Variants in TYW1B observed in about 807,000 individuals in gnomAD.
TYW1B encodes the protein tRNA-yW synthesizing protein 1 homolog B.
TYW1B carries 73 observed loss-of-function variants against 86.9 expected under a neutral mutation model. That is an observed-to-expected ratio of 0.84 (90% CI 0.70 to 1.02). The LOEUF (loss-of-function observed/expected upper bound fraction) is 1.02. Among genes scored for constraint, TYW1B ranks in the 50% least tolerant of loss-of-function variants. TYW1B has a pLI of 0.00. For synonymous variants in TYW1B, 248 were observed against 292.8 expected (o/e 0.85, Z 1.56); for missense variants, 637 against 827.4 (o/e 0.77, Z 2.82).
intron 2 of TYW1B, among the ~76,000 whole-genome samples, chr7:72,820,188 T>C (rs1427599410): frequency 1.3e-5 from 2 of 151,998 alleles, no homozygotes; most frequent in Non-Finnish European, 2.9e-5. Flanking sequence ...GGCAAGAGAA[T>C]CACTTGAACC....
chr7:72,652,377 G>GA (rs1169791430), intron 11 of TYW1B, among the ~76,000 whole-genome samples: 12,295 of 31,096 alleles, frequency 0.4, 3,761 homozygotes, highest in Middle Eastern at 0.63. Flanking sequence ...GACTCTGTCT[G>GA]AAAAAAAAAA....
At chr7:72,742,070 A>G (rs1787313559) in intron 8 of TYW1B, among the ~76,000 whole-genome samples, 1 of 152,234 alleles carries the variant, frequency 6.6e-6, no homozygotes, top group Admixed American at 6.5e-5. Context: ...GGTAAAATAC[A>G]TAGGTAAATA....
intron 10 of TYW1B, among the ~76,000 whole-genome samples, chr7:72,708,845 T>A (rs1814674811): frequency 6.6e-6 from 1 of 152,210 alleles, no homozygotes; most frequent in Admixed American, 6.6e-5. Flanking sequence ...GACTATCTTG[T>A]TGCACTACTC....
chr7:72,825,169 A>G (rs1422586421), intron 2 of TYW1B, among the ~76,000 whole-genome samples: 1 of 151,970 alleles, frequency 6.6e-6, no homozygotes, highest in Admixed American at 6.6e-5. Flanking sequence ...AAATCCTCAC[A>G]GTGACCCTGA....
intron 11 of TYW1B, among the ~76,000 whole-genome samples, chr7:72,665,019 C>T (rs77532557): frequency 6.6e-6 from 1 of 151,866 alleles, no homozygotes; most frequent in African/African-American, 2.4e-5. Flanking sequence ...TTATTTTTTT[C>T]TGAATATTTT....
intron 12 of TYW1B, among the ~76,000 whole-genome samples, chr7:72,619,572 C>T (rs1165248768): frequency 1.4e-5 from 2 of 145,082 alleles, no homozygotes; most frequent in African/African-American, 2.6e-5. Context: ...ACCCGGGAAG[C>T]GGAGCTTGCA....
At chr7:72,624,749 T>C (rs1319502170) in intron 12 of TYW1B, among the ~76,000 whole-genome samples, 2 of 152,232 alleles carry the variant, frequency 1.3e-5, no homozygotes, top group Non-Finnish European at 2.9e-5. Flanking sequence ...TATTACATTA[T>C]ATTTTATCAT....
chr7:72,745,854 GTGTGTGT>G (rs1787385454), intron 7 of TYW1B, among the ~76,000 whole-genome samples: 1 of 7,918 alleles, frequency 1.3e-4, no homozygotes, highest in African/African-American at 2.6e-4. Context: ...GTATAGGGGT[GTGTGTGT>G]GTGTGTGTGT....
At chr7:72,754,630 G>A (rs1787556715) in intron 7 of TYW1B, among the ~76,000 whole-genome samples, 1 of 151,806 alleles carries the variant, frequency 6.6e-6, no homozygotes, top group Non-Finnish European at 1.5e-5. Flanking sequence ...AAGAGATGGG[G>A]TTTCATCATG....
intron 7 of TYW1B, among the ~76,000 whole-genome samples, chr7:72,769,920 T>G (rs1470468684): frequency 6.6e-6 from 1 of 151,614 alleles, no homozygotes; most frequent in African/African-American, 2.4e-5. Flanking sequence ...AAAAATACAC[T>G]AATTCAAAAC....
chr7:72,730,570 A>G (rs188298111), intron 8 of TYW1B, among the ~76,000 whole-genome samples: 27 of 150,422 alleles, frequency 1.8e-4, no homozygotes, highest in African/African-American at 5.4e-4. Context: ...AAAAGGAGAA[A>G]AGAAAAAGAA....
chr7:72,581,928 C>T (rs1171842156), intron 13 of TYW1B, among the ~76,000 whole-genome samples: 27 of 151,696 alleles, frequency 1.8e-4, no homozygotes, highest in East Asian at 1.9e-4. Flanking sequence ...CCACCACGCC[C>T]GGCTAATTTT....
chr7:72,574,519 C>T lies in TYW1B; in HGVS notation c.*979G>A, dbSNP rs1810973963. 1.0e-6 allele frequency: 1 copy of T among 959,744 alleles called. No individual in the cohort carries two copies. Among genetic ancestry groups the T allele is most frequent in the African/African-American group, 1.8e-5 (1 of 56,628 alleles). The allele number at this position is 959,744 out of a possible 1,614,324, so 59.5% of individuals were successfully genotyped here. The stretch of plus-strand genomic sequence containing the variant: ...AAAAAACTCATGCTGCAAGTCTTTA[C>T]AAAATATTATTTTATTAATTCAATT... On this transcript the variant is annotated 3_prime_UTR_variant, in exon 14 of 14. Coordinates refer to ENST00000620995, the MANE Select transcript of TYW1B (RefSeq NM_001145440.3).
intron 7 of TYW1B, among the ~76,000 whole-genome samples, chr7:72,757,743 A>C (rs782087384): frequency 3.5e-4 from 53 of 152,220 alleles, no homozygotes; most frequent in Admixed American, 2.5e-3. Flanking sequence ...CCTGATAACA[A>C]AAAAAGATTC....
intron 8 of TYW1B, 51 bp from the exon 9 acceptor site, chr7:72,728,982 G>C (rs1313357063): frequency 5.2e-6 from 8 of 1,534,528 alleles, no homozygotes; most frequent in Middle Eastern, 1.7e-4. Context: ...TAAGATCTGG[G>C]CTAGTCATTT....
intron 13 of TYW1B, among the ~76,000 whole-genome samples, chr7:72,613,006 C>A (rs2129568322): frequency 6.6e-6 from 1 of 152,172 alleles, no homozygotes; most frequent in Non-Finnish European, 1.5e-5. Context: ...CTGCCTCGGT[C>A]TCCCAAAGTT....
At chr7:72,597,236 T>C (rs2129567968) in intron 13 of TYW1B, among the ~76,000 whole-genome samples, 1 of 151,726 alleles carries the variant, frequency 6.6e-6, no homozygotes, top group Admixed American at 6.6e-5. Context: ...TAAGAAATCA[T>C]GATGGAAATT....
intron 9 of TYW1B, among the ~76,000 whole-genome samples, chr7:72,722,561 G>A (rs1786923898): frequency 6.6e-6 from 1 of 152,122 alleles, no homozygotes; most frequent in African/African-American, 2.4e-5. Flanking sequence ...TAAAAGGAAC[G>A]CTAATAAAGG....
intron 6 of TYW1B, among the ~76,000 whole-genome samples, chr7:72,786,438 A>T (rs1788130446): frequency 6.6e-6 from 1 of 152,158 alleles, no homozygotes; most frequent in African/African-American, 2.4e-5. Context: ...ATGTACATGG[A>T]TGTCTGAAAT....
Sources: allele counts gnomAD v4.1 joint callset (sites outside exome capture counted in the v4.1 genomes callset), GRCh38; gene constraint gnomAD v4.1.1; transcripts MANE v1.5; gene names NCBI Gene and HGNC (gene_info 2026-07-23, HGNC 2026-07-21).